The following HYAL1 variants were observed in gnomAD, a reference collection of about 807,000 sequenced individuals.
HYAL1 encodes the protein hyaluronidase 1.
A neutral mutation model predicts 28.8 loss-of-function variants in HYAL1; 21 were observed. The ratio of observed to expected loss-of-function variants is 0.73; its 90% CI spans 0.52 to 1.05. The LOEUF is 1.05. Among genes scored for constraint, HYAL1 ranks in the 50% least tolerant of loss-of-function variants. The probability of loss-of-function intolerance (pLI) is 0.00; values close to 1 mark genes in which losing one functional copy is unlikely to be tolerated. For missense variants in HYAL1, 491 were observed against 579.2 expected, an observed-to-expected ratio of 0.85 and a Z score of 1.56; for synonymous variants, 200 against 230.1, an observed-to-expected ratio of 0.87 and a Z score of 1.18.
chr3:50,304,633 G>T (rs1444380086), upstream of HYAL1, among the ~76,000 whole-genome samples: 2 of 151,654 alleles, frequency 1.3e-5, no homozygotes, highest in African/African-American at 2.4e-5. Flanking sequence ...AAAGTACTGT[G>T]GCCCTAGGCC....
In HYAL1 at chr3:50,302,649, A is replaced by C; in HGVS notation, c.308T>G (p.Ile103Ser). The change falls in exon 2 of 4, where the codon ATT becomes AGT. Residue 103 changes from isoleucine (I) to serine (S), a missense_variant. Coordinates refer to ENST00000395144, the MANE Select transcript of HYAL1 (RefSeq NM_033159.4). The surrounding 1 kb of genome is among the most constrained non-coding windows in gnomAD (Gnocchi z 5.0). ...FGGLPQNASLIAHLARTFQDI... is the reference protein window; with the variant it reads ...FGGLPQNASLSAHLARTFQDI... ...CTGGAATGTGCGGGCCAGGTGGGCA[A>C]TCAGGCTGGCATTCTGGGGCAGACC... is the stretch of plus-strand genomic sequence containing the variant. 6.2e-7 allele frequency: 1 copy of C among 1,614,170 alleles called. No homozygotes were observed. Among genetic ancestry groups the C allele is most frequent in the Non-Finnish European group, 8.5e-7 (1 of 1,180,032 alleles).
At chr3:50,301,615 CAAAAA>C (rs34686771) in intron 2 of HYAL1, among the ~76,000 whole-genome samples, 39 of 45,916 alleles carry the variant, frequency 8.5e-4, no homozygotes, top group Non-Finnish European at 1.3e-3. Context: ...GACTCCGTCT[CAAAAA>C]AAAAAAAAAA....
At chr3:50,308,217 C>T (rs1702376368), upstream of HYAL1, among the ~76,000 whole-genome samples, 1 of 151,310 alleles carries the variant, frequency 6.6e-6, no homozygotes, top group African/African-American at 2.5e-5. Flanking sequence ...ACCTCTGCCT[C>T]CTGGGTTCAA....
At chr3:50,303,997 G>C (rs1023022008), upstream of HYAL1, 1 of 152,044 alleles carries the variant, frequency 6.6e-6, no homozygotes. Flanking sequence ...TGCCAGGTGC[G>C]GAGGCTCACG....
rs1702094901 is a variant in HYAL1 at position 50,300,681 on chromosome 3, G to C, written c.1110C>G (p.Val370=). The C allele has an allele frequency of 6.2e-7, 1 of 1,613,954 alleles. No individual in the cohort carries two copies. Among genetic ancestry groups the C allele is most frequent in the African/African-American group, 1.3e-5 (1 of 75,070 alleles). Residue 370 remains valine, a synonymous_variant, in exon 4 of 4, where the codon GTC becomes GTG. Coordinates refer to ENST00000395144, the MANE Select transcript of HYAL1 (RefSeq NM_033159.4). ...QALCSGHGRC[V]RRTSHPKALL... ...GGGCTTTGGGGTGGCTGGTGCGGCG[G>C]ACACAGCGGCCATGGCCGGAGCACA...
chr3:50,304,294 AAAATATATATATATATATATATATAT>A (rs1198838726), upstream of HYAL1, among the ~76,000 whole-genome samples: 115 of 41,200 alleles, frequency 2.8e-3, 8 homozygotes, highest in African/African-American at 0.012. Flanking sequence ...AAAAAAAAAA[AAAATATATATATATATATATATATAT>A]ATATATATAT....
At chr3:50,304,266 C>T (rs1362704183), upstream of HYAL1, 2 of 47,088 alleles carry the variant, frequency 4.2e-5, no homozygotes, top group Non-Finnish European at 4.7e-5. Context: ...CAGAGAGCGA[C>T]TCCATCTCAA....
chr3:50,301,127 C>T, intron 2 of HYAL1, 50 bp from the exon 3 acceptor site: 2 of 1,239,172 alleles, frequency 1.6e-6, no homozygotes, highest in South Asian at 1.2e-5. Flanking sequence ...CACCATGTGG[C>T]AGACTGCTGG....
intron 1 of HYAL1, 163 bp from the exon 2 acceptor site, chr3:50,303,143 G>T: frequency 1.7e-6 from 1 of 587,226 alleles, no homozygotes; most frequent in South Asian, 2.6e-5. Context: ...CGCATGGAGG[G>T]GAGCATGGCC....
chr3:50,311,889 G>A (rs1415894790), intron 1 of HYAL1, among the ~76,000 whole-genome samples: 2 of 149,562 alleles, frequency 1.3e-5, no homozygotes, highest in African/African-American at 4.9e-5. Context: ...CTGGCCGGGC[G>A]GGGGGCTGAT....
At chr3:50,311,750 G>A (rs1324016575) in intron 1 of HYAL1, among the ~76,000 whole-genome samples, 5 of 144,644 alleles carry the variant, frequency 3.5e-5, no homozygotes, top group Non-Finnish European at 3.0e-5. Flanking sequence ...CGGACGGGGC[G>A]GCTGGCTGGG....
Position 50,302,689 on chromosome 3 carries a change from C to T in HYAL1, c.268G>A (p.Glu90Lys), listed in dbSNP as rs782416015. The T allele has an allele frequency of 3.7e-6, 6 of 1,613,976 alleles. No individual in the cohort carries two copies. The highest frequency in any genetic ancestry group is 5.1e-6 in the Non-Finnish European group (6 of 1,180,032). The change falls in exon 2 of 4, where the codon GAG becomes AAG. Residue 90 changes from glutamate to lysine, a missense_variant. By Grantham distance (56) the Glu-to-Lys change is moderately conservative. Transcript: ENST00000395144. The surrounding 1 kb of genome is among the most constrained non-coding windows in gnomAD (Gnocchi z 5.0). ...GTYPYYTPTG[E>K]PVFGGLPQNA... The stretch of plus-strand genomic sequence containing the variant: ...TGGGGCAGACCACCAAACACAGGCT[C>T]CCCAGTGGGCGTGTAGTAGGGGTAG...
chr3:50,300,939 T>TGGGGGGGCGGGGGGG, intron 3 of HYAL1, 49 bp downstream of exon 3: 1 of 959,410 alleles, frequency 1.0e-6, no homozygotes. Flanking sequence ...GTCAGCTTAA[T>TGGGGGGGCGGGGGGG]GGCCCCACCC....
upstream of HYAL1, among the ~76,000 whole-genome samples, chr3:50,306,740 G>C (rs1702340631): frequency 1.3e-5 from 2 of 150,904 alleles, no homozygotes; most frequent in South Asian, 4.1e-4. Flanking sequence ...ACAAAAATTA[G>C]CCCGGCATGG....
intron 1 of HYAL1, among the ~76,000 whole-genome samples, chr3:50,311,562 A>G (rs868968293): frequency 5.5e-4 from 49 of 88,948 alleles, no homozygotes; most frequent in African/African-American, 5.5e-4. Context: ...GCGGCTAGCC[A>G]GGCGGGGGGC....
rs1702131332 is a variant in HYAL1, at chr3:50,301,028, C to A, written c.950G>T (p.Gly317Val). 1 of 1,610,490 alleles carries A rather than the reference C, an allele frequency of 6.2e-7. No individual in the cohort carries two copies. Reference protein sequence around the residue: ...LGESAAQGAAGVVLWVSWENT... With the variant: ...LGESAAQGAAVVVLWVSWENT... ...TTCCCAGCTCACCCAGAGCACCACT[C>A]CAGCTGCCCCCTGGGCCGCACTCTC... Residue 317 changes from glycine (G) to valine (V), a missense_variant, in exon 3 of 4, where the codon GGA (glycine) becomes GTA (valine). Transcript: ENST00000395144.
chr3:50,306,330 C>T (rs192405372), upstream of HYAL1, among the ~76,000 whole-genome samples: 2 of 146,400 alleles, frequency 1.4e-5, no homozygotes, highest in Admixed American at 7.0e-5. Flanking sequence ...AGTTTGAGCT[C>T]GCTTCCAACA....
intron 1 of HYAL1, among the ~76,000 whole-genome samples, chr3:50,310,084 G>T (rs2109315926): frequency 6.6e-6 from 1 of 151,466 alleles, no homozygotes; most frequent in Non-Finnish European, 1.5e-5. Context: ...CAAAACGAAT[G>T]TTCACCTGTT....
rs1056815068 is a variant in HYAL1 at position 50,303,054 on chromosome 3, G to A, written c.-24-74C>T. ...CCCCACTGCTCAGGGCTGGGGGGCT[G>A]AGCCCTTGCGCATTAATCCACCGCT... On this transcript the variant is annotated intron_variant, in intron 1 of 3. Coordinates refer to ENST00000395144, the MANE Select transcript of HYAL1 (RefSeq NM_033159.4). 85 of 1,176,462 alleles carry A rather than the reference G, an allele frequency of 7.2e-5. No homozygotes were observed. The African/African-American group carries it at 9.1e-4, about 13-fold the overall frequency. 72.9% of individuals were successfully genotyped at this position (1,176,462 alleles called of 1,614,324 possible).
Sources: allele counts gnomAD v4.1 joint callset (sites outside exome capture counted in the v4.1 genomes callset), GRCh38; gene constraint gnomAD v4.1.1; non-coding constraint Gnocchi (gnomAD v3.1); transcripts MANE v1.5; gene names NCBI Gene and HGNC (gene_info 2026-07-23, HGNC 2026-07-21).